ZNF607: variants seen among roughly 807,000 people sequenced by gnomAD.
ZNF607 encodes zinc finger protein 607.
ZNF607 carries 5 observed loss-of-function variants against 12.8 expected under a neutral mutation model. The observed-to-expected ratio is 0.39, with a 90% CI of 0.20 to 0.82. The LOEUF is 0.82. ZNF607 is among the 40% of genes least tolerant of loss of function. The pLI is 0.39. For missense variants in ZNF607, 851 were observed against 859.2 expected (o/e 0.99, Z 0.12); for synonymous variants, 287 against 276.2 (o/e 1.04, Z -0.39).
Position 37,709,817 on chromosome 19 carries a change from TG to T in ZNF607, c.14del (p.Ser5Ter). The T allele has an allele frequency of 6.2e-7, 1 of 1,613,276 alleles. No individual in the cohort carries two copies. Among genetic ancestry groups the T allele is most frequent in the Non-Finnish European group, 8.5e-7 (1 of 1,179,342 alleles). MSYGSITFGDVAIDF... is the reference protein window; with the variant it reads MSYGXITFGDVAIDF... Reference sequence around the variant, plus strand: ...CTATGGCCACATCCCCGAATGTTATTGATCCCTGAAACAGCAAACCCATGTA... The same window carrying T: ...CTATGGCCACATCCCCGAATGTTATTATCCCTGAAACAGCAAACCCATGTA... On this transcript the variant is annotated frameshift_variant, in exon 3 of 5. Transcript: ENST00000355202. LOFTEE classifies it high-confidence loss of function.
In ZNF607 at chr19:37,697,213, G is replaced by T. The variant is rs1337811139; in HGVS notation, c.*827C>A. The T allele has an allele frequency of 2.3e-5, 17 of 736,482 alleles. 1 individual carries two copies. The South Asian group carries it at 2.4e-4, about 10-fold the overall frequency. The allele number at this position is 736,482 out of a possible 1,614,324, so 45.6% of individuals were successfully genotyped here. Reference sequence around the variant, plus strand: ...TGAGAACAGCAGTCAAAGATAATTGGTTTTTGTACACATGGGATGAGAAAG... The same window carrying T: ...TGAGAACAGCAGTCAAAGATAATTGTTTTTTGTACACATGGGATGAGAAAG... On this transcript the variant is annotated 3_prime_UTR_variant, in exon 5 of 5. Transcript: ENST00000355202.
chr19:37,703,016 G>C (rs1369180443), intron 4 of ZNF607, among the ~76,000 whole-genome samples: 1 of 148,572 alleles, frequency 6.7e-6, no homozygotes, highest in Non-Finnish European at 1.5e-5. Context: ...GCAATGGTGT[G>C]ATCTCGGCTC....
Position 37,699,829 on chromosome 19 carries a change from A to G in ZNF607, c.302T>C (p.Val101Ala), listed in dbSNP as rs374818216. 3 of 1,613,302 alleles carry G rather than the reference A, an allele frequency of 1.9e-6. No individual in the cohort carries two copies. Among genetic ancestry groups the G allele is most frequent in the African/African-American group, 2.7e-5 (2 of 74,912 alleles). The change falls in exon 5 of 5, where the codon GTT becomes GCT. Residue 101 changes from valine to alanine, a missense_variant. Coordinates refer to ENST00000355202, the MANE Select transcript of ZNF607 (RefSeq NM_032689.5). ...KMQLYRKHSC[V>A]TLHQRIHNGQ... The stretch of plus-strand genomic sequence containing the variant: ...ATTATGAATTCTCTGATGGAGAGTA[A>G]CACATGAGTGTTTCCTATAAAGCTG...
rs530962725 is a variant in ZNF607, at chr19:37,717,641, CAAA to C, written c.-75+1625_-75+1627del. On this transcript the variant is annotated intron_variant, in intron 1 of 4. Transcript: ENST00000355202. The stretch of plus-strand genomic sequence containing the variant: ...AGAAACCCCGTCTCTACTAAAAATA[CAAA>C]AAAAAAAAAAAAATAGCCAGGCATG... 4.5e-4 allele frequency among the ~76,000 whole-genome samples: 58 copies of C among 128,788 alleles called. 1 individual carries two copies. The highest frequency in any genetic ancestry group is 4.7e-4 in the Admixed American group (6 of 12,712). 84.5% of individuals were successfully genotyped at this position (128,788 alleles called of 152,430 possible). A position where few individuals can be genotyped will look rare whatever the true frequency, so the allele number is the denominator to read the frequency against.
At position 37,699,393 on chromosome 19, in the gene ZNF607, A is replaced by T. The variant is rs1371314194; in HGVS notation, c.738T>A (p.Ile246=). 6.2e-7 allele frequency: 1 copy of T among 1,614,124 alleles called. No individual in the cohort carries two copies. The highest frequency in any genetic ancestry group is 1.1e-5 in the South Asian group (1 of 91,074). Residue 246 remains isoleucine, a synonymous_variant, in exon 5 of 5, where the codon ATT becomes ATA. Coordinates refer to ENST00000355202, the MANE Select transcript of ZNF607 (RefSeq NM_032689.5). ...VYGRLSRHQS[I]HTGEKPFECN... ...ATTCAAAGGGCTTCTCACCAGTGTGAATACTCTGATGTCGACTAAGTCGTC... is the reference window on the plus strand; with the variant it reads ...ATTCAAAGGGCTTCTCACCAGTGTGTATACTCTGATGTCGACTAAGTCGTC...
intron 4 of ZNF607, among the ~76,000 whole-genome samples, chr19:37,705,179 G>A (rs1041795578): frequency 1.3e-5 from 2 of 152,064 alleles, no homozygotes; most frequent in Admixed American, 1.3e-4. Context: ...GGAGAAAAGG[G>A]AAAGAAGGCA....
At chr19:37,711,278 C>T (rs1197727904) in intron 2 of ZNF607, among the ~76,000 whole-genome samples, 4 of 152,132 alleles carry the variant, frequency 2.6e-5, no homozygotes, top group East Asian at 1.9e-4. Flanking sequence ...TTGTCTCAAT[C>T]GCAACAAATG....
In ZNF607 at chr19:37,719,609, G is replaced by A. The variant is rs540047958; in HGVS notation, c.-415C>T. On this transcript the variant is annotated 5_prime_UTR_variant, in exon 1 of 5. Coordinates refer to ENST00000355202, the MANE Select transcript of ZNF607 (RefSeq NM_032689.5). ...GGTCCAAGTTTTCTCCGTTGCCTTT[G>A]TAATATGTAGTCCAAGCCAGAACAG... 332 of 152,482 alleles carry A rather than the reference G, an allele frequency of 2.2e-3. 4 individuals are homozygous for A. The highest frequency in any genetic ancestry group is 7.7e-3 in the African/African-American group (320 of 41,588). 9.4% of individuals were successfully genotyped at this position (152,482 alleles called of 1,614,324 possible).
At chr19:37,701,948 A>G (rs2045042419) in intron 4 of ZNF607, among the ~76,000 whole-genome samples, 1 of 152,234 alleles carries the variant, frequency 6.6e-6, no homozygotes, top group Admixed American at 6.5e-5. Flanking sequence ...AACTTGATTG[A>G]TCAATAGAAA....
intron 4 of ZNF607, among the ~76,000 whole-genome samples, chr19:37,702,287 C>CAAAAAAAAAA (rs10714690): frequency 1.4e-5 from 1 of 73,600 alleles, no homozygotes; most frequent in African/African-American, 5.5e-5. Flanking sequence ...AACTCCATCT[C>CAAAAAAAAAA]AAAAAAAAAA....
rs1490936132 is a variant in ZNF607, at chr19:37,699,832, C to T, written c.299G>A (p.Cys100Tyr). The T allele has an allele frequency of 6.2e-7, 1 of 1,612,942 alleles. No homozygotes were observed. Among genetic ancestry groups the T allele is most frequent in the Non-Finnish European group, 8.5e-7 (1 of 1,179,686 alleles). The change falls in exon 5 of 5, where the codon TGT becomes TAT. Residue 100 changes from cysteine (C) to tyrosine (Y), a missense_variant. Coordinates refer to ENST00000355202, the MANE Select transcript of ZNF607 (RefSeq NM_032689.5). ...ATGAATTCTCTGATGGAGAGTAACA[C>T]ATGAGTGTTTCCTATAAAGCTGCAT... The part of the protein sequence containing the change: ...GKMQLYRKHS[C>Y]VTLHQRIHNG...
In ZNF607 at chr19:37,699,436, T is replaced by C; in HGVS notation, c.695A>G (p.Lys232Arg). 1 of 1,614,130 alleles carries C rather than the reference T, an allele frequency of 6.2e-7. No homozygotes were observed. The highest frequency in any genetic ancestry group is 8.5e-7 in the Non-Finnish European group (1 of 1,179,988). The change falls in exon 5 of 5, where the codon AAG becomes AGG. Residue 232 changes from lysine to arginine, a missense_variant. Coordinates refer to ENST00000355202, the MANE Select transcript of ZNF607 (RefSeq NM_032689.5). ...EKPYECKECG[K>R]AFSVYGRLSR... ...AAGTCGTCCATACACACTAAAGGCC[T>C]TGCCACATTCCTTACATTCGTAGGG...
In ZNF607 at chr19:37,698,448, G is replaced by A. The variant is rs767360395; in HGVS notation, c.1683C>T (p.Tyr561=). 18 of 1,613,886 alleles carry A rather than the reference G, an allele frequency of 1.1e-5. No individual in the cohort carries two copies. The highest frequency in any genetic ancestry group is 1.4e-5 in the Non-Finnish European group (17 of 1,180,010). The change falls in exon 5 of 5, where the codon TAC becomes TAT. Residue 561 remains tyrosine, a synonymous_variant. Coordinates refer to ENST00000355202, the MANE Select transcript of ZNF607 (RefSeq NM_032689.5). ...AGGCCTTGCCACATTCCTTACATTCGTAGGGTTTCTCAGCGCTATGAATAT... is the reference window on the plus strand; with the variant it reads ...AGGCCTTGCCACATTCCTTACATTCATAGGGTTTCTCAGCGCTATGAATAT... ...HQNIHSAEKP[Y]ECKECGKAFR...
intron 4 of ZNF607, among the ~76,000 whole-genome samples, chr19:37,702,623 A>G (rs2045048992): frequency 6.6e-6 from 1 of 152,202 alleles, no homozygotes; most frequent in African/African-American, 2.4e-5. Flanking sequence ...ATATAAGAAA[A>G]GCATCACAAA....
chr19:37,699,851 G>A lies in ZNF607; in HGVS notation c.280C>T (p.Leu94Phe). The A allele has an allele frequency of 6.2e-7, 1 of 1,605,866 alleles. No individual in the cohort carries two copies. The highest frequency in any genetic ancestry group is 1.1e-5 in the South Asian group (1 of 89,152). The change falls in exon 5 of 5, where the codon CTT (leucine) becomes TTT (phenylalanine). Residue 94 changes from leucine to phenylalanine, a missense_variant. By Grantham distance (22) the Leu-to-Phe change is conservative. Transcript: ENST00000355202. Reference protein sequence around the residue: ...CEIISDGKMQLYRKHSCVTLH... With the variant: ...CEIISDGKMQFYRKHSCVTLH... ...GTAACACATGAGTGTTTCCTATAAA[G>A]CTGCATTTTCCCATCGCTGATTATT... is the stretch of plus-strand genomic sequence containing the variant.
chr19:37,717,847 C>CAT (rs2045191681), intron 1 of ZNF607, among the ~76,000 whole-genome samples: 1 of 147,446 alleles, frequency 6.8e-6, no homozygotes, highest in Non-Finnish European at 1.5e-5. Flanking sequence ...AAAAGAGTTG[C>CAT]ATATATAGTT....
Position 37,697,438 on chromosome 19 carries a change from A to T in ZNF607, c.*602T>A. ...GCGGGACCCTCTCACACCTGCTTCC[A>T]CTCTGACCTCCACATCTAACTCATG... On this transcript the variant is annotated 3_prime_UTR_variant, in exon 5 of 5. Transcript: ENST00000355202. 1 of 844,272 alleles carries T rather than the reference A, an allele frequency of 1.2e-6. No individual in the cohort carries two copies. Among genetic ancestry groups the T allele is most frequent in the South Asian group, 1.4e-5 (1 of 71,732 alleles). 52.3% of individuals were successfully genotyped at this position (844,272 alleles called of 1,614,324 possible).
Position 37,698,490 on chromosome 19 carries a change from T to G in ZNF607, c.1641A>C (p.Val547=). The change falls in exon 5 of 5, where the codon GTA becomes GTC. Residue 547 remains valine (V), a synonymous_variant. Transcript: ENST00000355202. ...TATGAATATTCTGATGGGCTTTAAGTACAGAAATGAACCTAAAAGACTTCC... is the reference window on the plus strand; with the variant it reads ...TATGAATATTCTGATGGGCTTTAAGGACAGAAATGAACCTAAAAGACTTCC... ...KCGKSFRFIS[V]LKAHQNIHSA... is the part of the protein sequence containing the mutation. 1 of 1,614,006 alleles carries G rather than the reference T, an allele frequency of 6.2e-7. No individual in the cohort carries two copies. The highest frequency in any genetic ancestry group is 1.3e-5 in the African/African-American group (1 of 74,990).
In ZNF607 at chr19:37,697,992, T is replaced by A; in HGVS notation, c.*48A>T. 6.7e-7 allele frequency: 1 copy of A among 1,490,570 alleles called. No individual in the cohort carries two copies. Among genetic ancestry groups the A allele is most frequent in the Non-Finnish European group, 8.9e-7 (1 of 1,117,462 alleles). 92.3% of individuals were successfully genotyped at this position (1,490,570 alleles called of 1,614,324 possible). On this transcript the variant is annotated 3_prime_UTR_variant, in exon 5 of 5. Coordinates refer to ENST00000355202, the MANE Select transcript of ZNF607 (RefSeq NM_032689.5). ...AAATTGTTCAGTGGGATAAATCCAT[T>A]GACACAATGTGCTTTCTTTACTACC...
Sources: allele counts gnomAD v4.1 joint callset (sites outside exome capture counted in the v4.1 genomes callset), GRCh38; gene constraint gnomAD v4.1.1; transcripts MANE v1.5; gene names NCBI Gene and HGNC (gene_info 2026-07-23, HGNC 2026-07-21).